TCOF1: variants seen among roughly 807,000 people sequenced by gnomAD.
The protein encoded by TCOF1 is treacle protein.
In TCOF1, 33 loss-of-function variants were observed where a neutral mutation model predicts 149.0. That is an observed-to-expected ratio of 0.22 (90% CI 0.17 to 0.30). The LOEUF is 0.30. Ranked by LOEUF, TCOF1 falls within the 10% of genes least tolerant of loss-of-function variation. The probability of loss-of-function intolerance (pLI) is 1.00; values close to 1 mark genes in which losing one functional copy is unlikely to be tolerated. For synonymous variants in TCOF1, 789 were observed against 738.8 expected, an observed-to-expected ratio of 1.07 and a Z score of -1.10; for missense variants, 1,728 against 1,840.7, an observed-to-expected ratio of 0.94 and a Z score of 1.12.
chr5:150,392,338 C>A, intron 21 of TCOF1, 162 bp downstream of exon 21: 1 of 720,604 alleles, frequency 1.4e-6, no homozygotes, highest in Non-Finnish European at 2.2e-6. Flanking sequence ...ATGAGGAAGT[C>A]AATCCAAATG....
intron 19 of TCOF1, among the ~76,000 whole-genome samples, chr5:150,390,931 T>G: frequency 6.6e-6 from 1 of 151,770 alleles, no homozygotes. Flanking sequence ...CACCAGCTGG[T>G]AGGAGAGGAA....
At chr5:150,373,961 G>T (rs934453886) in intron 7 of TCOF1, among the ~76,000 whole-genome samples, 5 of 152,200 alleles carry the variant, frequency 3.3e-5, no homozygotes, top group Non-Finnish European at 5.9e-5. Flanking sequence ...GGAACAGGGG[G>T]CATGGAGGCT....
chr5:150,369,437 T>G lies in TCOF1; in HGVS notation c.566-92T>G, dbSNP rs913840725. 2.7e-6 allele frequency: 4 copies of G among 1,479,958 alleles called. No individual in the cohort carries two copies. The African/African-American group carries it at 5.5e-5, about 20-fold the overall frequency. The allele number at this position is 1,479,958 out of a possible 1,614,324, so 91.7% of individuals were successfully genotyped here. ...AGGGGTGAGCGCTCAGCACCTGGCT[T>G]TGATGAGCAGCTGGTTTGTGGGGAG... On this transcript the variant is annotated intron_variant, in intron 5 of 26. Coordinates refer to ENST00000643257, the MANE Select transcript of TCOF1 (RefSeq NM_001371623.1).
intron 24 of TCOF1, 50 bp downstream of exon 24, chr5:150,396,892 C>CG: frequency 6.4e-7 from 1 of 1,552,342 alleles, no homozygotes; most frequent in Non-Finnish European, 8.7e-7. Context: ...GGGCACCCCA[C>CG]GGGGGCGGGA....
At chr5:150,387,245 A>C (rs773510554) in intron 17 of TCOF1, among the ~76,000 whole-genome samples, 2 of 152,244 alleles carry the variant, frequency 1.3e-5, no homozygotes, top group Non-Finnish European at 2.9e-5. Context: ...GTTAAAGGCC[A>C]CGTACGGCAT....
chr5:150,398,918 C>A, intron 25 of TCOF1, 104 bp from the exon 26 acceptor site: 1 of 1,535,458 alleles, frequency 6.5e-7, no homozygotes, highest in Non-Finnish European at 9.0e-7. Context: ...GCTGCAGACC[C>A]AGTATCTATT....
intron 17 of TCOF1, among the ~76,000 whole-genome samples, chr5:150,386,452 A>G (rs1229872737): frequency 6.6e-6 from 1 of 152,134 alleles, no homozygotes; most frequent in South Asian, 2.1e-4. Context: ...GGGGGAGGCT[A>G]TTTGGCAGGG....
At chr5:150,381,942 T>G in intron 17 of TCOF1, among the ~76,000 whole-genome samples, 1 of 152,144 alleles carries the variant, frequency 6.6e-6, no homozygotes, top group Non-Finnish European at 1.5e-5. Flanking sequence ...ACACCTGTAA[T>G]CCCAGCACTT....
At position 150,398,210 on chromosome 5, in the gene TCOF1, C is replaced by T. The variant is rs1224932872; in HGVS notation, c.4346-144C>T. 8.4e-6 allele frequency: 13 copies of T among 1,541,442 alleles called. No homozygotes were observed. In the East Asian group the frequency reaches 2.3e-4, roughly 27 times the overall value. Reference sequence around the variant, plus strand: ...GTGCTGGGATTGCAGGAATGAACCTCCACGCCCCGCCCTGCTGGCCTGTTG... The same window carrying T: ...GTGCTGGGATTGCAGGAATGAACCTTCACGCCCCGCCCTGCTGGCCTGTTG... On this transcript the variant is annotated intron_variant, in intron 24 of 26. Coordinates refer to ENST00000643257, the MANE Select transcript of TCOF1 (RefSeq NM_001371623.1).
chr5:150,357,962 T>G, intron 1 of TCOF1, 108 bp downstream of exon 1: 2 of 1,181,944 alleles, frequency 1.7e-6, no homozygotes, highest in Non-Finnish European at 2.4e-6. Context: ...CGGAGCCGGG[T>G]CCCGCAGTGC....
intron 4 of TCOF1, 196 bp downstream of exon 4, chr5:150,368,113 G>A: frequency 1.7e-6 from 1 of 591,264 alleles, no homozygotes; most frequent in Middle Eastern, 4.5e-4. Flanking sequence ...TAAAGATAAG[G>A]ATGATGCCTG....
At position 150,373,789 on chromosome 5, in the gene TCOF1, C is replaced by A. The variant is rs115219431; in HGVS notation, c.871-385C>A. Among the ~76,000 whole-genome samples, 1,197 of 152,318 alleles carry A rather than the reference C, an allele frequency of 7.9e-3. 16 individuals carry two copies. Among genetic ancestry groups the A allele is most frequent in the African/African-American group, 0.027 (1,138 of 41,570 alleles). On this transcript the variant is annotated intron_variant, in intron 7 of 26. Transcript: ENST00000643257. ...CCACAGCCCAGTCTGATGATGCTCC[C>A]GATAAGCCAGTGCCTGTGCCTCCAG...
At position 150,379,346 on chromosome 5, in the gene TCOF1, G is replaced by A; in HGVS notation, c.2596G>A (p.Glu866Lys). The A allele has an allele frequency of 6.2e-7, 1 of 1,614,238 alleles. No individual in the cohort carries two copies. The highest frequency in any genetic ancestry group is 8.5e-7 in the Non-Finnish European group (1 of 1,180,040). ...AGCTCAGGCCCAGACAGGGCCAGAG[G>A]AGGACTCAGGGAGCAGTGAGGAGGA... is the stretch of plus-strand genomic sequence containing the variant. ...TAAQAQTGPEEDSGSSEEESD... is the reference protein window; with the variant it reads ...TAAQAQTGPEKDSGSSEEESD... The change falls in exon 16 of 27, where the codon GAG becomes AAG. Residue 866 changes from glutamate (E) to lysine (K), a missense_variant. Transcript: ENST00000643257.
chr5:150,365,376 TG>T (rs747542480), intron 3 of TCOF1, among the ~76,000 whole-genome samples: 1 of 151,730 alleles, frequency 6.6e-6, no homozygotes, highest in Non-Finnish European at 1.5e-5. Context: ...CACTGCGCCC[TG>T]GATATATATT....
chr5:150,379,941 G>A (rs1010376019), intron 17 of TCOF1: 20 of 559,042 alleles, frequency 3.6e-5, no homozygotes, highest in African/African-American at 2.4e-4. Context: ...GCATGGTGGC[G>A]GGTGCCTGTA....
At chr5:150,380,024 A>G in intron 17 of TCOF1, 1 of 401,328 alleles carries the variant, frequency 2.5e-6, no homozygotes, top group South Asian at 2.1e-5. Context: ...GCAAGCCAAG[A>G]TCATGCCACT....
rs752532261 is a variant in TCOF1 at position 150,364,242 on chromosome 5, C to T, written c.294C>T (p.Thr98=). Residue 98 remains threonine (T), a synonymous_variant, in exon 3 of 27, where the codon ACC becomes ACT. Coordinates refer to ENST00000643257, the MANE Select transcript of TCOF1 (RefSeq NM_001371623.1). ...AGGAGGAAGAAGCAGAAGCCGAAAC[C>T]GCCAAAGCCAGTAAGAGCCTTGCAG... ...SEEEEEAEAE[T]AKATPRLAST... The T allele has an allele frequency of 7.4e-6, 12 of 1,613,968 alleles. No individual in the cohort carries two copies. Among genetic ancestry groups the T allele is most frequent in the Non-Finnish European group, 1.0e-5 (12 of 1,180,010 alleles).
intron 22 of TCOF1, chr5:150,393,111 A>G (rs751309881): frequency 4.4e-5 from 26 of 592,328 alleles, no homozygotes; most frequent in Non-Finnish European, 7.8e-5. Flanking sequence ...GGCAAAAGCT[A>G]GTAATTTTCC....
At chr5:150,387,872 TG>T (rs760081911) in intron 17 of TCOF1, 29 bp from the exon 18 acceptor site, 12 of 1,613,242 alleles carry the variant, frequency 7.4e-6, no homozygotes, top group Admixed American at 5.0e-5. Context: ...CTTTAATCAC[TG>T]GGGGGGTGTT....
Sources: gnomAD v4.1 joint callset for allele counts (sites outside exome capture counted in the v4.1 genomes callset) on GRCh38, gnomAD v4.1.1 for gene constraint, MANE v1.5 for transcripts, NCBI Gene and HGNC (gene_info 2026-07-23, HGNC 2026-07-21) for gene names.